PARD3: variants seen among roughly 807,000 people sequenced by gnomAD.
The protein encoded by PARD3 is partitioning defective 3 homolog.
In PARD3, 75 loss-of-function variants were observed where a neutral mutation model predicts 155.4. That is an observed-to-expected ratio of 0.48 (90% CI 0.40 to 0.58). The LOEUF (loss-of-function observed/expected upper bound fraction) is 0.58, where lower values mean the gene tolerates loss of function less well. Ranked by LOEUF, PARD3 falls within the 20% of genes least tolerant of loss-of-function variation. PARD3 has a pLI of 0.00. For missense variants in PARD3, 1,642 were observed against 1,721.7 expected (o/e 0.95, Z 0.82); for synonymous variants, 576 against 610.5 (o/e 0.94, Z 0.83).
chr10:34,399,420 G>A lies in PARD3; in HGVS notation c.807-7C>T, dbSNP rs765268396. 2 of 1,580,998 alleles carry A rather than the reference G, an allele frequency of 1.3e-6. No homozygotes were observed. The highest frequency in any genetic ancestry group is 2.2e-5 in the East Asian group (1 of 44,684). ...TACGAGCTTTACCATATCACTGTGA[G>A]ACAATGATGAATGAGGGAGCATGAA... On this transcript the variant is annotated splice_polypyrimidine_tract_variant and splice_region_variant and intron_variant, in intron 6 of 24. Transcript: ENST00000374788.
At chr10:34,198,456 G>GTGTGTA (rs1491049185) in intron 22 of PARD3, among the ~76,000 whole-genome samples, 3 of 36,126 alleles carry the variant, frequency 8.3e-5, no homozygotes, top group African/African-American at 8.1e-4. Context: ...ACTAATTGGT[G>GTGTGTA]TGTGTGTGTG....
chr10:34,802,838 G>T (rs10827427), intron 1 of PARD3, among the ~76,000 whole-genome samples: 2 of 151,838 alleles, frequency 1.3e-5, no homozygotes, highest in African/African-American at 4.8e-5. Context: ...GGGACAGTAC[G>T]GCTAACATGT....
rs186749715 is a variant in PARD3 at position 34,648,327 on chromosome 10, T to G, written c.222+47991A>C. Among the ~76,000 whole-genome samples, 611 of 152,338 alleles carry G rather than the reference T, an allele frequency of 4.0e-3. 2 individuals are homozygous for G. The highest frequency in any genetic ancestry group is 7.7e-3 in the Non-Finnish European group (527 of 68,034). ...TTTTTAATATTGATGTATTTCATCT[T>G]AAAACCAATGCCAAGAGCTGCCGTG... On this transcript the variant is annotated intron_variant, in intron 2 of 24. Transcript: ENST00000374788.
At chr10:34,747,051 A>G (rs984914052) in intron 1 of PARD3, among the ~76,000 whole-genome samples, 1 of 152,208 alleles carries the variant, frequency 6.6e-6, no homozygotes, top group Non-Finnish European at 1.5e-5. Flanking sequence ...AACCCTGCTT[A>G]TCATGGAAAC....
chr10:34,381,220 G>A (rs1324373257), intron 9 of PARD3, among the ~76,000 whole-genome samples: 6 of 152,112 alleles, frequency 3.9e-5, no homozygotes, highest in Non-Finnish European at 5.9e-5. Context: ...CTGAATATCC[G>A]GATATGGAAA....
At chr10:34,345,536 A>G in intron 15 of PARD3, 1 of 985,400 alleles carries the variant, frequency 1.0e-6, no homozygotes. Flanking sequence ...GAAGACAATC[A>G]TTAACCAAAC....
intron 2 of PARD3, among the ~76,000 whole-genome samples, chr10:34,642,610 A>C (rs1471303441): frequency 6.6e-6 from 1 of 151,704 alleles, no homozygotes; most frequent in Non-Finnish European, 1.5e-5. Flanking sequence ...GCATGCCCCA[A>C]ATTTGCTAAG....
chr10:34,572,069 T>C (rs1564365387), intron 2 of PARD3, among the ~76,000 whole-genome samples: 1 of 152,220 alleles, frequency 6.6e-6, no homozygotes, highest in African/African-American at 2.4e-5. Context: ...TATGAATTAC[T>C]AGATCAAGCA....
intron 22 of PARD3, among the ~76,000 whole-genome samples, chr10:34,201,774 G>C (rs1210371836): frequency 6.6e-6 from 1 of 152,094 alleles, no homozygotes; most frequent in African/African-American, 2.4e-5. Context: ...TCAGGATACA[G>C]AGCTTCCATT....
intron 21 of PARD3, among the ~76,000 whole-genome samples, chr10:34,280,648 C>G (rs1956112544): frequency 6.6e-6 from 1 of 152,142 alleles, no homozygotes; most frequent in African/African-American, 2.4e-5. Context: ...ACAATCAACT[C>G]CGGTTTCCAC....
At chr10:34,213,124 C>T (rs1951833536) in intron 22 of PARD3, among the ~76,000 whole-genome samples, 1 of 152,104 alleles carries the variant, frequency 6.6e-6, no homozygotes, top group African/African-American at 2.4e-5. Flanking sequence ...TTACTTGGCC[C>T]ACAATTCTGG....
chr10:34,561,596 G>A (rs2085477184), intron 2 of PARD3, among the ~76,000 whole-genome samples: 2 of 151,834 alleles, frequency 1.3e-5, no homozygotes, highest in African/African-American at 2.4e-5. Context: ...TCGGCTCACT[G>A]CAACCTCTGC....
chr10:34,588,443 A>G (rs950284406), intron 2 of PARD3, among the ~76,000 whole-genome samples: 5 of 152,136 alleles, frequency 3.3e-5, no homozygotes, highest in Admixed American at 3.3e-4. Context: ...ACCAACTGCA[A>G]ATCTGAAAAT....
intron 2 of PARD3, among the ~76,000 whole-genome samples, chr10:34,536,547 AG>A (rs2083246280): frequency 1.3e-5 from 2 of 152,246 alleles, no homozygotes; most frequent in Non-Finnish European, 2.9e-5. Context: ...AGATATTACA[AG>A]GAAACACTAT....
chr10:34,358,936 G>C (rs1057329583), intron 14 of PARD3, among the ~76,000 whole-genome samples: 1 of 152,130 alleles, frequency 6.6e-6, no homozygotes, highest in African/African-American at 2.4e-5. Flanking sequence ...TTGGCAATAG[G>C]AGTATTAATG....
chr10:34,311,421 A>G (rs1158417596), intron 20 of PARD3, among the ~76,000 whole-genome samples: 1 of 152,202 alleles, frequency 6.6e-6, no homozygotes, highest in African/African-American at 2.4e-5. Flanking sequence ...AAAAGAGTTA[A>G]TTAAATATAC....
At chr10:34,379,839 A>G (rs951138207) in intron 9 of PARD3, among the ~76,000 whole-genome samples, 1 of 152,152 alleles carries the variant, frequency 6.6e-6, no homozygotes, top group African/African-American at 2.4e-5. Flanking sequence ...ATATTAAGAA[A>G]TCATAATTAT....
At chr10:34,634,094 C>T (rs1302046527) in intron 2 of PARD3, among the ~76,000 whole-genome samples, 1 of 152,084 alleles carries the variant, frequency 6.6e-6, no homozygotes, top group Non-Finnish European at 1.5e-5. Flanking sequence ...GAATAGATGA[C>T]ACTAGAAGAT....
At chr10:34,626,866 G>A (rs1343412870) in intron 2 of PARD3, among the ~76,000 whole-genome samples, 1 of 152,110 alleles carries the variant, frequency 6.6e-6, no homozygotes, top group Non-Finnish European at 1.5e-5. Context: ...TAACCACCAC[G>A]ACCCACACCT....
Sources: gnomAD v4.1 joint callset for allele counts (sites outside exome capture counted in the v4.1 genomes callset) on GRCh38, gnomAD v4.1.1 for gene constraint, MANE v1.5 for transcripts, NCBI Gene and HGNC (gene_info 2026-07-23, HGNC 2026-07-21) for gene names.